The following EPHA6 variants were observed in gnomAD, a reference collection of about 807,000 sequenced individuals.
The protein encoded by EPHA6 is EPH receptor A6.
Under a neutral mutation model 112.0 loss-of-function variants are expected in EPHA6, and 50 were observed. The observed-to-expected ratio is 0.45, with a 90% CI of 0.36 to 0.56. The LOEUF (loss-of-function observed/expected upper bound fraction) is 0.56. Ranked by LOEUF, EPHA6 falls within the 20% of genes least tolerant of loss-of-function variation. The pLI is 0.00. For missense variants in EPHA6, 1,280 were observed against 1,417.4 expected, an observed-to-expected ratio of 0.90 and a Z score of 1.56; for synonymous variants, 529 against 490.7, an observed-to-expected ratio of 1.08 and a Z score of -1.03.
At chr3:96,962,505 C>T (rs767368799) in intron 2 of EPHA6, among the ~76,000 whole-genome samples, 7 of 147,348 alleles carry the variant, frequency 4.8e-5, no homozygotes, top group Non-Finnish European at 8.9e-5. Flanking sequence ...TAATACTAAA[C>T]CCACTTTTAG....
At position 97,265,837 on chromosome 3, in the gene EPHA6, C is replaced by T. The variant is rs543703842; in HGVS notation, c.1606+21550C>T. ...GGCAGCAGCGGCTCCAGATGGCCCACTGCTGCTATCGGGGTAGCCCTAGAC... is the reference window on the plus strand; with the variant it reads ...GGCAGCAGCGGCTCCAGATGGCCCATTGCTGCTATCGGGGTAGCCCTAGAC... On this transcript the variant is annotated intron_variant, in intron 5 of 17. Transcript: ENST00000389672. Among the ~76,000 whole-genome samples the T allele has an allele frequency of 2.5e-4, 38 of 152,362 alleles. No individual in the cohort carries two copies. In the South Asian group the frequency reaches 4.6e-3, roughly 18 times the overall value.
At chr3:97,271,502 C>G (rs576086089) in intron 5 of EPHA6, among the ~76,000 whole-genome samples, 1 of 152,160 alleles carries the variant, frequency 6.6e-6, no homozygotes, top group East Asian at 1.9e-4. Flanking sequence ...TGATTACAGG[C>G]ACGCACCACC....
At chr3:97,315,611 T>A (rs957230716) in intron 5 of EPHA6, among the ~76,000 whole-genome samples, 1 of 151,742 alleles carries the variant, frequency 6.6e-6, no homozygotes, top group Non-Finnish European at 1.5e-5. Flanking sequence ...TTACACGTGA[T>A]GTTTCTTAAA....
chr3:97,307,423 G>A (rs1020086463), intron 5 of EPHA6, among the ~76,000 whole-genome samples: 1 of 151,748 alleles, frequency 6.6e-6, no homozygotes, highest in African/African-American at 2.4e-5. Context: ...GGAAGATGAT[G>A]ATAATGAGAA....
intron 2 of EPHA6, among the ~76,000 whole-genome samples, chr3:96,940,091 G>T (rs1224940827): frequency 6.6e-6 from 1 of 152,188 alleles, no homozygotes; most frequent in African/African-American, 2.4e-5. Context: ...TTGATCTGGG[G>T]TGGAGAGTTC....
At chr3:97,697,182 T>C (rs906119122) in intron 14 of EPHA6, among the ~76,000 whole-genome samples, 4 of 152,224 alleles carry the variant, frequency 2.6e-5, no homozygotes, top group African/African-American at 9.6e-5. Context: ...CAAAAATAGT[T>C]ATTTGTATCC....
At chr3:97,692,712 C>T (rs1415165868) in intron 14 of EPHA6, among the ~76,000 whole-genome samples, 1 of 152,182 alleles carries the variant, frequency 6.6e-6, no homozygotes, top group Non-Finnish European at 1.5e-5. Context: ...AAAAACTTTT[C>T]TGAAACATTA....
chr3:97,390,953 A>G (rs943838430), intron 5 of EPHA6, among the ~76,000 whole-genome samples: 4 of 152,076 alleles, frequency 2.6e-5, no homozygotes, highest in African/African-American at 9.7e-5. Flanking sequence ...AAATAATGGG[A>G]AATATTGATA....
At position 97,754,832 on chromosome 3, in the gene EPHA6, T is replaced by C. The variant is rs947906884; in HGVS notation, c.*6131T>C. 6.6e-6 allele frequency among the ~76,000 whole-genome samples: 1 copy of C among 152,116 alleles called. No individual in the cohort carries two copies. Among genetic ancestry groups the C allele is most frequent in the African/African-American group, 2.4e-5 (1 of 41,420 alleles). On this transcript the variant is annotated 3_prime_UTR_variant, in exon 18 of 18. Coordinates refer to ENST00000389672, the MANE Select transcript of EPHA6 (RefSeq NM_001080448.3). Reference sequence around the variant, plus strand: ...CATTCTCCTGCCTCAGTCTCCAGAGTAGCTGGAACTACAGGCGTCCGTCAC... The same window carrying C: ...CATTCTCCTGCCTCAGTCTCCAGAGCAGCTGGAACTACAGGCGTCCGTCAC...
intron 15 of EPHA6, among the ~76,000 whole-genome samples, chr3:97,730,432 G>A (rs1309216024): frequency 6.6e-6 from 1 of 152,030 alleles, no homozygotes; most frequent in Non-Finnish European, 1.5e-5. Context: ...TATCATTGCA[G>A]TCATTTTCAT....
At chr3:96,945,720 G>T (rs796466401) in intron 2 of EPHA6, among the ~76,000 whole-genome samples, 112 of 152,090 alleles carry the variant, frequency 7.4e-4, no homozygotes, top group African/African-American at 2.5e-3. Flanking sequence ...ATATATATCT[G>T]TGAATACCAA....
In EPHA6 at chr3:97,592,706, G is replaced by C. The variant is rs754524541; in HGVS notation, c.2481G>C (p.Gly827=). 5 of 1,602,906 alleles carry C rather than the reference G, an allele frequency of 3.1e-6. No individual in the cohort carries two copies. Among genetic ancestry groups the C allele is most frequent in the Non-Finnish European group, 4.2e-6 (5 of 1,176,874 alleles). ...NSIQAPHPVP[G]GGSLPPRIPA... ...TCCAGGCCCCGCATCCAGTGCCAGGGGGAGGATCTTTGCCCCCCAGGATTC... is the reference window on the plus strand; with the variant it reads ...TCCAGGCCCCGCATCCAGTGCCAGGCGGAGGATCTTTGCCCCCCAGGATTC... The change falls in exon 12 of 18, where the codon GGG becomes GGC. Residue 827 remains glycine, a synonymous_variant. Coordinates refer to ENST00000389672, the MANE Select transcript of EPHA6 (RefSeq NM_001080448.3).
At chr3:97,586,383 AT>A (rs1232934678) in intron 11 of EPHA6, among the ~76,000 whole-genome samples, 1 of 152,182 alleles carries the variant, frequency 6.6e-6, no homozygotes, top group Admixed American at 6.5e-5. Context: ...AATGTTTCTT[AT>A]TGTCATTGGT....
intron 1 of EPHA6, among the ~76,000 whole-genome samples, chr3:96,825,581 TG>T (rs1489767654): frequency 6.6e-6 from 1 of 151,928 alleles, no homozygotes; most frequent in Non-Finnish European, 1.5e-5. Flanking sequence ...TTGGAATTGC[TG>T]GTGTTCTTTA....
chr3:97,586,683 TTAGATAGATGGA>T (rs1386620957), intron 11 of EPHA6, among the ~76,000 whole-genome samples: 1 of 150,582 alleles, frequency 6.6e-6, no homozygotes, highest in Non-Finnish European at 1.5e-5. Context: ...AGGTCAGTAC[TTAGATAGATGGA>T]TGGATAGATG....
intron 2 of EPHA6, among the ~76,000 whole-genome samples, chr3:96,955,467 AAC>A (rs1177250346): frequency 6.6e-6 from 1 of 152,214 alleles, no homozygotes; most frequent in Non-Finnish European, 1.5e-5. Context: ...AGCAGAGGGA[AAC>A]AGTTTTTGGT....
chr3:96,925,343 G>A (rs1202049451), intron 2 of EPHA6, among the ~76,000 whole-genome samples: 2 of 152,080 alleles, frequency 1.3e-5, no homozygotes, highest in Middle Eastern at 3.2e-3. Flanking sequence ...AGTCTATTGA[G>A]AGATTCAATT....
intron 5 of EPHA6, among the ~76,000 whole-genome samples, chr3:97,377,400 G>T (rs1435684442): frequency 6.6e-6 from 1 of 152,102 alleles, no homozygotes; most frequent in African/African-American, 2.4e-5. Context: ...TTCCTTCACA[G>T]TCTCAGGTAT....
In EPHA6 at chr3:97,349,854, C is replaced by A. The variant is rs141692460; in HGVS notation, c.1607-55296C>A. 2.7e-4 allele frequency among the ~76,000 whole-genome samples: 41 copies of A among 151,956 alleles called. No homozygotes were observed. The East Asian group carries it at 6.6e-3, about 24-fold the overall frequency. ...CTCATGTTCAACATTATGTTCCAGA[C>A]GTGATAAAAATTTTTAAAAAATGCT... On this transcript the variant is annotated intron_variant, in intron 5 of 17. Transcript: ENST00000389672.
Sources: allele counts gnomAD v4.1 joint callset (sites outside exome capture counted in the v4.1 genomes callset), GRCh38; gene constraint gnomAD v4.1.1; transcripts MANE v1.5; gene names NCBI Gene and HGNC (gene_info 2026-07-23, HGNC 2026-07-21).